Variants in PSMD1 observed in about 807,000 individuals in gnomAD.
PSMD1 encodes proteasome 26S subunit, non-ATPase 1.
Under a neutral mutation model 119.0 loss-of-function variants are expected in PSMD1, and 18 were observed. The observed-to-expected ratio is 0.15, with a 90% confidence interval of 0.10 to 0.22. The LOEUF is 0.22. Among genes scored for constraint, PSMD1 ranks in the 10% least tolerant of loss-of-function variants. PSMD1 has a pLI of 1.00. For synonymous variants in PSMD1, 374 were observed against 396.6 expected, an observed-to-expected ratio of 0.94 and a Z score of 0.68; for missense variants, 702 against 1,158.5, an observed-to-expected ratio of 0.61 and a Z score of 5.72.
chr2:231,109,331 T>C lies in PSMD1; in HGVS notation c.1883+22150T>C, dbSNP rs147673804. The C allele has an allele frequency of 1.4e-5, 23 of 1,614,046 alleles. No individual in the cohort carries two copies. Among genetic ancestry groups the C allele is most frequent in the Non-Finnish European group, 1.9e-5 (22 of 1,179,952 alleles). On this transcript the variant is annotated intron_variant, in intron 16 of 24. Coordinates refer to ENST00000308696, the MANE Select transcript of PSMD1 (RefSeq NM_002807.4). ...GAGCATGAAATCGCCAAAACGTTCC[T>C]TTGTCAGCACACAAGTGATATTGTT...
intron 18 of PSMD1, chr2:231,153,355 C>T: frequency 1.9e-6 from 1 of 522,944 alleles, no homozygotes; most frequent in Non-Finnish European, 3.3e-6. Context: ...GGATTCAAGA[C>T]AGAGCTGGTG....
intron 16 of PSMD1, among the ~76,000 whole-genome samples, chr2:231,096,837 C>T (rs1459796771): frequency 6.6e-6 from 1 of 152,060 alleles, no homozygotes; most frequent in African/African-American, 2.4e-5. Context: ...AAGAGAATGA[C>T]GGGGTGAGCG....
intron 16 of PSMD1, among the ~76,000 whole-genome samples, chr2:231,127,513 C>G (rs902301807): frequency 6.6e-6 from 1 of 152,120 alleles, no homozygotes; most frequent in African/African-American, 2.4e-5. Context: ...TGCCACCACG[C>G]CTGGCTAATT....
At chr2:231,086,705 A>G (rs1310431883) in intron 15 of PSMD1, among the ~76,000 whole-genome samples, 1 of 152,176 alleles carries the variant, frequency 6.6e-6, no homozygotes, top group Non-Finnish European at 1.5e-5. Context: ...AACTTTGTCA[A>G]GCTGTGAAGA....
intron 4 of PSMD1, among the ~76,000 whole-genome samples, chr2:231,066,394 A>C (rs1693911473): frequency 6.6e-6 from 1 of 152,242 alleles, no homozygotes; most frequent in African/African-American, 2.4e-5. Flanking sequence ...TAATTGCTAT[A>C]ATAGGCCTTT....
intron 4 of PSMD1, 31 bp downstream of exon 4, chr2:231,062,706 C>T (rs756850271): frequency 3.4e-6 from 5 of 1,486,224 alleles, no homozygotes; most frequent in Non-Finnish European, 4.5e-6. Flanking sequence ...AAGGCTTTAT[C>T]TTGTCGGCTT....
intron 16 of PSMD1, among the ~76,000 whole-genome samples, chr2:231,114,670 T>TA (rs1322249065): frequency 1.3e-5 from 2 of 152,202 alleles, no homozygotes; most frequent in Non-Finnish European, 2.9e-5. Context: ...AACAAACTCT[T>TA]ATAAAACACT....
intron 16 of PSMD1, among the ~76,000 whole-genome samples, chr2:231,101,412 G>A (rs575430950): frequency 2.6e-5 from 4 of 151,940 alleles, no homozygotes; most frequent in Non-Finnish European, 5.9e-5. Context: ...CACCCTGACC[G>A]GTCTCCTACA....
intron 6 of PSMD1, among the ~76,000 whole-genome samples, chr2:231,070,854 C>T (rs1446551594): frequency 6.6e-6 from 1 of 151,994 alleles, no homozygotes; most frequent in African/African-American, 2.4e-5. Context: ...GTATTCTGCT[C>T]AGGGCATAGC....
intron 19 of PSMD1, among the ~76,000 whole-genome samples, chr2:231,159,739 T>C (rs919139839): frequency 6.6e-6 from 1 of 152,164 alleles, no homozygotes; most frequent in Non-Finnish European, 1.5e-5. Context: ...TCTAGAGGAA[T>C]AGTCTAGGGC....
At chr2:231,084,855 T>C (rs2303354) in intron 14 of PSMD1, among the ~76,000 whole-genome samples, 164 bp from the exon 15 acceptor site, 5,360 of 152,266 alleles carry the variant, frequency 0.035, 111 homozygotes, top group East Asian at 0.11. Context: ...TTATGTGTTT[T>C]ATTGCCCCAT....
At chr2:231,122,722 G>A (rs193167610) in intron 16 of PSMD1, among the ~76,000 whole-genome samples, 4 of 151,690 alleles carry the variant, frequency 2.6e-5, no homozygotes, top group East Asian at 1.9e-4. Context: ...TTTTATTATC[G>A]CAATAACTAG....
intron 16 of PSMD1, among the ~76,000 whole-genome samples, chr2:231,101,166 T>C (rs749980872): frequency 2.6e-5 from 4 of 152,190 alleles, no homozygotes; most frequent in Non-Finnish European, 4.4e-5. Flanking sequence ...TAATTAACAT[T>C]GTTCACCCCC....
chr2:231,061,590 A>C (rs1317153939), intron 2 of PSMD1, among the ~76,000 whole-genome samples: 1 of 151,736 alleles, frequency 6.6e-6, no homozygotes, highest in Non-Finnish European at 1.5e-5. Context: ...TTTGAGACAG[A>C]GTCTCGCTTT....
chr2:231,161,553 G>A lies in PSMD1; in HGVS notation c.2388+44G>A, dbSNP rs371111043. The A allele has an allele frequency of 5.1e-5, 79 of 1,536,362 alleles. No homozygotes were observed. The African/African-American group carries it at 6.2e-4, about 12-fold the overall frequency. ...AGCTTTGTAGTATTTCCTGTTCACC[G>A]TATCTTATTCATATTTACCGCCCAC... On this transcript the variant is annotated intron_variant, in intron 20 of 24. Coordinates refer to ENST00000308696, the MANE Select transcript of PSMD1 (RefSeq NM_002807.4).
At chr2:231,108,923 A>G (rs771796131) in intron 16 of PSMD1, 2 of 1,614,108 alleles carry the variant, frequency 1.2e-6, no homozygotes, top group Middle Eastern at 1.7e-4. Context: ...ACATAAAACT[A>G]AAGTTATATT....
chr2:231,075,362 G>C (rs909572336), intron 7 of PSMD1, 149 bp from the exon 8 acceptor site: 3 of 591,746 alleles, frequency 5.1e-6, no homozygotes, highest in South Asian at 2.8e-5. Flanking sequence ...CTCCATCTTA[G>C]AGATGTGTAG....
chr2:231,118,898 C>T (rs1412625261), intron 16 of PSMD1, among the ~76,000 whole-genome samples: 2 of 152,164 alleles, frequency 1.3e-5, no homozygotes, highest in Non-Finnish European at 1.5e-5. Context: ...ATCATAAATA[C>T]TTCTTATGTC....
intron 23 of PSMD1, among the ~76,000 whole-genome samples, chr2:231,168,455 A>G (rs974798614): frequency 1.3e-5 from 2 of 152,262 alleles, no homozygotes; most frequent in Non-Finnish European, 2.9e-5. Context: ...ATAATGGAAT[A>G]TTATTTGACC....
Sources: allele counts gnomAD v4.1 joint callset (sites outside exome capture counted in the v4.1 genomes callset), GRCh38; gene constraint gnomAD v4.1.1; transcripts MANE v1.5; gene names NCBI Gene and HGNC (gene_info 2026-07-23, HGNC 2026-07-21).